The following DYRK1A variants were observed in gnomAD, a reference collection of about 807,000 sequenced individuals.
DYRK1A encodes the protein dual specificity tyrosine phosphorylation regulated kinase 1A.
A neutral mutation model predicts 79.7 loss-of-function variants in DYRK1A; 9 were observed. The observed-to-expected ratio is 0.11, with a 90% CI of 0.07 to 0.20. The LOEUF is 0.20. Among genes scored for constraint, DYRK1A ranks in the 10% least tolerant of loss-of-function variants. The pLI is 1.00. For missense variants in DYRK1A, 622 were observed against 956.0 expected, an observed-to-expected ratio of 0.65 and a Z score of 4.61; for synonymous variants, 349 against 329.7, an observed-to-expected ratio of 1.06 and a Z score of -0.63.
intron 2 of DYRK1A, among the ~76,000 whole-genome samples, chr21:37,444,511 T>C (rs1465059635): frequency 6.6e-6 from 1 of 152,204 alleles, no homozygotes; most frequent in Non-Finnish European, 1.5e-5. Context: ...TTTCAGAATT[T>C]GCCTCTGTCC....
chr21:37,432,450 A>G (rs187521532), intron 2 of DYRK1A, among the ~76,000 whole-genome samples: 3 of 152,368 alleles, frequency 2.0e-5, no homozygotes, highest in Admixed American at 6.5e-5. Context: ...AAAGATGTCC[A>G]GCAAAACTGT....
intron 1 of DYRK1A, among the ~76,000 whole-genome samples, chr21:37,370,991 A>T (rs1014393251): frequency 1.3e-5 from 2 of 152,190 alleles, no homozygotes; most frequent in Admixed American, 6.5e-5. Flanking sequence ...CAATTTTCTG[A>T]TGGCTAGAGA....
At position 37,512,197 on chromosome 21, in the gene DYRK1A, A is replaced by G; in HGVS notation, c.1931A>G (p.His644Arg). The G allele has an allele frequency of 6.2e-7, 1 of 1,613,486 alleles. No homozygotes were observed. Residue 644 changes from histidine to arginine, a missense_variant, in exon 12 of 12, where the codon CAC (histidine) becomes CGC (arginine). Coordinates refer to ENST00000647188, the MANE Select transcript of DYRK1A (RefSeq NM_001347721.2). ...QDSMEVGHSH[H>R]SMTSLSSSTT... Reference sequence around the variant, plus strand: ...TCTATGGAGGTTGGCCACAGTCACCACTCCATGACATCCCTGTCTTCCTCA... The same window carrying G: ...TCTATGGAGGTTGGCCACAGTCACCGCTCCATGACATCCCTGTCTTCCTCA...
intron 9 of DYRK1A, chr21:37,503,269 T>C (rs2053504261): frequency 6.6e-6 from 1 of 152,266 alleles, no homozygotes; most frequent in Admixed American, 6.5e-5. Context: ...TGCTGAATAT[T>C]ATCCCAGAGG....
intron 1 of DYRK1A, among the ~76,000 whole-genome samples, chr21:37,382,393 T>G (rs1161807800): frequency 2.0e-5 from 3 of 151,784 alleles, no homozygotes; most frequent in Non-Finnish European, 4.4e-5. Context: ...CTCCCTGGAG[T>G]GAGTGTAAAG....
intron 1 of DYRK1A, among the ~76,000 whole-genome samples, chr21:37,408,377 T>C (rs1305711472): frequency 1.3e-5 from 2 of 152,198 alleles, no homozygotes; most frequent in African/African-American, 4.8e-5. Context: ...TAGAATGAGC[T>C]CTCACGTCCC....
intron 2 of DYRK1A, among the ~76,000 whole-genome samples, chr21:37,424,525 C>T (rs1447750250): frequency 6.6e-6 from 1 of 152,014 alleles, no homozygotes; most frequent in African/African-American, 2.4e-5. Context: ...TGGGTAAGAT[C>T]CATTTTATAC....
In DYRK1A at chr21:37,493,025, G is replaced by A. The variant is rs772041176; in HGVS notation, c.933G>A (p.Gln311=). ...TTTGAAATATATTTCAGATATACCA[G>A]TATATTCAGAGTCGCTTTTATCGGT... is the stretch of plus-strand genomic sequence containing the variant. ...SSCQLGQRIY[Q]YIQSRFYRSP... is the part of the protein sequence containing the mutation. The change falls in exon 8 of 12, where the codon CAG becomes CAA. Residue 311 remains glutamine (Q), a synonymous_variant. Transcript: ENST00000647188. The A allele has an allele frequency of 3.1e-6, 5 of 1,606,924 alleles. No homozygotes were observed. The highest frequency in any genetic ancestry group is 3.4e-6 in the Non-Finnish European group (4 of 1,174,418).
intron 2 of DYRK1A, among the ~76,000 whole-genome samples, chr21:37,426,651 C>CTAT (rs1233166688): frequency 6.6e-6 from 1 of 151,752 alleles, no homozygotes; most frequent in Non-Finnish European, 1.5e-5. Context: ...TGGCTCACGC[C>CTAT]TGTAATCTCA....
intron 1 of DYRK1A, among the ~76,000 whole-genome samples, 182 bp downstream of exon 1, chr21:37,367,810 C>T (rs1372395464): frequency 2.0e-5 from 3 of 149,300 alleles, no homozygotes; most frequent in Admixed American, 6.6e-5. Flanking sequence ...CCCGGAGGAG[C>T]GGCGGGCGCG....
In DYRK1A at chr21:37,505,295, C is replaced by G; in HGVS notation, c.1225C>G (p.Pro409Ala). 6.2e-7 allele frequency: 1 copy of G among 1,610,362 alleles called. No individual in the cohort carries two copies. The highest frequency in any genetic ancestry group is 2.2e-5 in the East Asian group (1 of 44,800). Residue 409 changes from proline to alanine, a missense_variant, in exon 10 of 12, where the codon CCA (proline) becomes GCA (alanine). Coordinates refer to ENST00000647188, the MANE Select transcript of DYRK1A (RefSeq NM_001347721.2). Reference protein sequence around the residue: ...TKDGKREYKPPGTRKLHNILG... With the variant: ...TKDGKREYKPAGTRKLHNILG... ...TTCTCTCTTACAGGAGTACAAACCA[C>G]CAGGAACCCGTAAACTTCATAACAT...
At chr21:37,420,455 G>C in intron 2 of DYRK1A, 71 bp downstream of exon 2, 1 of 1,510,856 alleles carries the variant, frequency 6.6e-7, no homozygotes, top group Non-Finnish European at 9.2e-7. Flanking sequence ...TATTTTGAAT[G>C]GGGGAGGTTT....
chr21:37,449,210 TATC>T (rs1263838278), intron 2 of DYRK1A, among the ~76,000 whole-genome samples: 2 of 152,196 alleles, frequency 1.3e-5, no homozygotes, highest in African/African-American at 4.8e-5. Context: ...AATTATTTGT[TATC>T]ATTTCTAGGT....
chr21:37,383,476 C>T (rs1157391571), intron 1 of DYRK1A, among the ~76,000 whole-genome samples: 1 of 152,194 alleles, frequency 6.6e-6, no homozygotes, highest in African/African-American at 2.4e-5. Flanking sequence ...CAACTAAGAA[C>T]CTTTACTTGG....
chr21:37,389,536 T>G (rs2049830115), intron 1 of DYRK1A, among the ~76,000 whole-genome samples: 1 of 152,184 alleles, frequency 6.6e-6, no homozygotes, highest in South Asian at 2.1e-4. Context: ...TTTGTTTGTT[T>G]TTTGTTTTCC....
At position 37,490,483 on chromosome 21, in the gene DYRK1A, G is replaced by A. The variant is rs200834016; in HGVS notation, c.924+22G>A. 3.9e-4 allele frequency: 626 copies of A among 1,596,118 alleles called. 3 individuals are homozygous for A. The African/African-American group carries it at 7.9e-3, about 20-fold the overall frequency. ...GAGGGTAAGTATTATTTCAGAACTT[G>A]TGAATTAAATAGAAATTAAATAGAA... On this transcript the variant is annotated intron_variant, in intron 7 of 11. Transcript: ENST00000647188.
At position 37,519,744 on chromosome 21, in the gene DYRK1A, T is replaced by TGTTTTTTTTTTGTTTTTG. The variant is rs1555999058; in HGVS notation, c.*7213_*7214insGTTTTTTTTTTGTTTTTG. ...GAGGTTTGTTGTGGGAAGTTTTTTTTTTTTTTTTTTTTTTTGAGGCGGAGT... is the reference window on the plus strand; with the variant it reads ...GAGGTTTGTTGTGGGAAGTTTTTTTTGTTTTTTTTTTGTTTTTGTTTTTTTTTTTTTTTGAGGCGGAGT... On this transcript the variant is annotated 3_prime_UTR_variant, in exon 12 of 12. Coordinates refer to ENST00000647188, the MANE Select transcript of DYRK1A (RefSeq NM_001347721.2). The TGTTTTTTTTTTGTTTTTG allele has an allele frequency of 7.0e-5, 7 of 99,750 alleles. No homozygotes were observed. The highest frequency in any genetic ancestry group is 2.3e-4 in the African/African-American group (6 of 26,008). The allele number at this position is 99,750 out of a possible 1,614,324, so 6.2% of individuals were successfully genotyped here.
At chr21:37,377,281 G>A (rs1198262070) in intron 1 of DYRK1A, among the ~76,000 whole-genome samples, 1 of 151,900 alleles carries the variant, frequency 6.6e-6, no homozygotes, top group Non-Finnish European at 1.5e-5. Context: ...CACCACGCCC[G>A]GCTAATTTTT....
chr21:37,407,582 A>G (rs1348642852), intron 1 of DYRK1A, among the ~76,000 whole-genome samples: 1 of 152,208 alleles, frequency 6.6e-6, no homozygotes, highest in Non-Finnish European at 1.5e-5. Flanking sequence ...TAACCTCTCT[A>G]GACCTCACTT....
Sources: gnomAD v4.1 joint callset for allele counts (sites outside exome capture counted in the v4.1 genomes callset) on GRCh38, gnomAD v4.1.1 for gene constraint, MANE v1.5 for transcripts, NCBI Gene and HGNC (gene_info 2026-07-23, HGNC 2026-07-21) for gene names.